The following SORCS3 variants were observed in gnomAD, a reference collection of about 807,000 sequenced individuals.
SORCS3 encodes VPS10 domain-containing receptor SorCS3.
SORCS3 carries 57 observed loss-of-function variants against 146.3 expected under a neutral mutation model. The ratio of observed to expected loss-of-function variants is 0.39; its 90% CI spans 0.31 to 0.49. The LOEUF is 0.49. SORCS3 is among the 20% of genes least tolerant of loss of function. The pLI, the probability that SORCS3 is intolerant of heterozygous loss-of-function variation, is 0.92. For synonymous variants in SORCS3, 653 were observed against 618.5 expected (o/e 1.06, Z -0.83); for missense variants, 1,341 against 1,575.5 (o/e 0.85, Z 2.52).
intron 1 of SORCS3, among the ~76,000 whole-genome samples, chr10:104,659,552 A>G (rs1316582832): frequency 1.3e-5 from 2 of 152,208 alleles, no homozygotes; most frequent in African/African-American, 2.4e-5. Context: ...GGATTCCTTT[A>G]GGTGGAAGAG....
chr10:104,980,545 G>A (rs776075224), intron 4 of SORCS3, among the ~76,000 whole-genome samples: 1 of 152,204 alleles, frequency 6.6e-6, no homozygotes, highest in Non-Finnish European at 1.5e-5. Flanking sequence ...TCTCTGATGT[G>A]CATGCATGAA....
At chr10:104,851,077 G>C (rs2018269572) in intron 2 of SORCS3, among the ~76,000 whole-genome samples, 1 of 151,980 alleles carries the variant, frequency 6.6e-6, no homozygotes, top group Non-Finnish European at 1.5e-5. Flanking sequence ...TTTGTTCTGA[G>C]AAAAAAAAAT....
In SORCS3 at chr10:104,641,643, G is replaced by C. The variant is rs749632903; in HGVS notation, c.316G>C (p.Gly106Arg). ...GRGGEMQVEA[G>R]GTSPAGERRG... ...AGGCGGTGAGATGCAGGTGGAAGCC[G>C]GAGGGACATCACCGGCAGGCGAGCG... is the stretch of plus-strand genomic sequence containing the variant. Residue 106 changes from glycine (G) to arginine (R), a missense_variant, in exon 1 of 27, where the codon GGA becomes CGA. Transcript: ENST00000369701. This position sits in a 1 kb window ranked among gnomAD's most constrained non-coding sequence, Gnocchi z 6.4. 1 of 1,526,542 alleles carries C rather than the reference G, an allele frequency of 6.6e-7. No individual in the cohort carries two copies. Among genetic ancestry groups the C allele is most frequent in the South Asian group, 1.2e-5 (1 of 82,844 alleles). 94.6% of individuals were successfully genotyped at this position (1,526,542 alleles called of 1,614,324 possible). A position where few individuals can be genotyped will look rare whatever the true frequency, so the allele number is the denominator to read the frequency against.
intron 7 of SORCS3, among the ~76,000 whole-genome samples, chr10:105,125,877 T>G (rs1030552508): frequency 2.0e-5 from 3 of 152,144 alleles, no homozygotes; most frequent in Non-Finnish European, 2.9e-5. Context: ...GCTGTATGTT[T>G]CAAGGTCCAG....
At chr10:104,672,377 A>G (rs1479137413) in intron 1 of SORCS3, among the ~76,000 whole-genome samples, 1 of 151,876 alleles carries the variant, frequency 6.6e-6, no homozygotes. Flanking sequence ...TAGTCTAGTG[A>G]GGTAAATATT....
In SORCS3 at chr10:104,928,138, A is replaced by G. The variant is rs186892645; in HGVS notation, c.795+12206A>G. 6.0e-3 allele frequency among the ~76,000 whole-genome samples: 911 copies of G among 152,250 alleles called. 5 individuals carry two copies. Among genetic ancestry groups the G allele is most frequent in the Middle Eastern group, 0.02 (6 of 294 alleles). The stretch of plus-strand genomic sequence containing the variant: ...GGGAGAGAGAATAGGGTACGACTAG[A>G]TATTATAGACTCCCAAAAGCCCAGG... On this transcript the variant is annotated intron_variant, in intron 3 of 26. Transcript: ENST00000369701.
chr10:104,740,531 T>A (rs897843444), intron 1 of SORCS3, among the ~76,000 whole-genome samples: 10 of 152,168 alleles, frequency 6.6e-5, no homozygotes, highest in African/African-American at 2.4e-4. Context: ...ACAGCACATA[T>A]TAAATTGTTG....
Position 105,201,173 on chromosome 10 carries a change from A to C in SORCS3, c.2181A>C (p.Gly727=). The C allele has an allele frequency of 6.2e-7, 1 of 1,612,946 alleles. No homozygotes were observed. Among genetic ancestry groups the C allele is most frequent in the Non-Finnish European group, 8.5e-7 (1 of 1,179,426 alleles). Residue 727 remains glycine, a synonymous_variant, in exon 16 of 27, where the codon GGA becomes GGC. Transcript: ENST00000369701. The part of the protein sequence containing the change: ...ERKIFKKRKP[G]AQCALGRDHS... Reference sequence around the variant, plus strand: ...AAATATTCAAGAAACGTAAGCCAGGAGCTCAGTGTGCCCTGGGCCGAGACC... The same window carrying C: ...AAATATTCAAGAAACGTAAGCCAGGCGCTCAGTGTGCCCTGGGCCGAGACC...
chr10:105,009,523 CAAACAAAAAAAAAAAAAAAAA>C (rs1261158186), intron 4 of SORCS3, among the ~76,000 whole-genome samples: 4 of 49,002 alleles, frequency 8.2e-5, no homozygotes, highest in Admixed American at 2.6e-4. Flanking sequence ...AACAAACAAA[CAAACAAAAAAAAAAAAAAAAA>C]AAAAAAACCC....
intron 4 of SORCS3, among the ~76,000 whole-genome samples, chr10:105,000,991 G>A (rs1013164732): frequency 1.3e-5 from 2 of 152,048 alleles, no homozygotes; most frequent in Non-Finnish European, 2.9e-5. Context: ...AATTTAATTC[G>A]AGGCTCAGAA....
intron 5 of SORCS3, among the ~76,000 whole-genome samples, chr10:105,076,260 C>G (rs1442002483): frequency 6.6e-6 from 1 of 152,180 alleles, no homozygotes; most frequent in Non-Finnish European, 1.5e-5. Context: ...AAGCTCCTCT[C>G]TGAACCACTG....
rs576953139 is a variant in SORCS3 at position 104,875,510 on chromosome 10, G to A, written c.695+32651G>A. Among the ~76,000 whole-genome samples the A allele has an allele frequency of 3.3e-3, 508 of 152,278 alleles. 2 individuals are homozygous for A. The highest frequency in any genetic ancestry group is 0.018 in the South Asian group (88 of 4,832). The stretch of plus-strand genomic sequence containing the variant: ...TTAGTTAATGTTTGTAAAGTGATGA[G>A]TGTATGTAGTCTCTGAACTTAGTAG... On this transcript the variant is annotated intron_variant, in intron 2 of 26. Transcript: ENST00000369701.
At chr10:105,252,667 AT>A (rs2119754331) in intron 22 of SORCS3, 107 bp from the exon 23 acceptor site, 1 of 1,399,402 alleles carries the variant, frequency 7.1e-7, no homozygotes, top group East Asian at 2.3e-5. Context: ...AAAAAGCTGC[AT>A]TTGAAAAACT....
chr10:104,768,293 A>C (rs1232652946), intron 1 of SORCS3, among the ~76,000 whole-genome samples: 1 of 152,332 alleles, frequency 6.6e-6, no homozygotes, highest in African/African-American at 2.4e-5. Flanking sequence ...CATTTAGAGC[A>C]GTCACTTTTC....
intron 3 of SORCS3, among the ~76,000 whole-genome samples, chr10:104,922,799 GA>G (rs2019100638): frequency 6.6e-6 from 1 of 152,304 alleles, no homozygotes; most frequent in East Asian, 1.9e-4. Context: ...GTCTACAGGT[GA>G]AAAGTTGGTA....
In SORCS3 at chr10:104,810,689, T is replaced by C. The variant is rs912000104; in HGVS notation, c.628-32103T>C. Among the ~76,000 whole-genome samples the C allele has an allele frequency of 2.6e-5, 4 of 152,184 alleles. No individual in the cohort carries two copies. The South Asian group carries it at 8.3e-4, about 32-fold the overall frequency. On this transcript the variant is annotated intron_variant, in intron 1 of 26. Transcript: ENST00000369701. The stretch of plus-strand genomic sequence containing the variant: ...AATACTGGGCCAGAGGGTATAAGTG[T>C]TTTTAAAAGATTTCCGATAGATATT...
chr10:105,083,031 G>A (rs913257385), intron 5 of SORCS3, among the ~76,000 whole-genome samples: 3 of 152,052 alleles, frequency 2.0e-5, no homozygotes, highest in Non-Finnish European at 2.9e-5. Flanking sequence ...GAGCCACCAC[G>A]CCCGGCCTAT....
intron 22 of SORCS3, among the ~76,000 whole-genome samples, chr10:105,247,836 T>A (rs967154649): frequency 3.3e-5 from 5 of 152,188 alleles, no homozygotes; most frequent in Non-Finnish European, 7.4e-5. Context: ...AGTTCAATGT[T>A]TGAAGAAGGA....
At chr10:105,016,155 A>ATATATATATT (rs71482443) in intron 4 of SORCS3, among the ~76,000 whole-genome samples, 94 of 101,322 alleles carry the variant, frequency 9.3e-4, no homozygotes, top group African/African-American at 3.9e-3. Context: ...ATATATATAT[A>ATATATATATT]TTTTTTTTTT....
Sources: gnomAD v4.1 joint callset for allele counts (sites outside exome capture counted in the v4.1 genomes callset) on GRCh38, gnomAD v4.1.1 for gene constraint, Gnocchi (gnomAD v3.1) non-coding constraint, MANE v1.5 for transcripts, NCBI Gene and HGNC (gene_info 2026-07-23, HGNC 2026-07-21) for gene names.